PCYT1A: variants seen among roughly 807,000 people sequenced by gnomAD.
The protein encoded by PCYT1A is phosphate cytidylyltransferase 1A, choline, also known as choline-phosphate cytidylyltransferase A.
A neutral mutation model predicts 43.7 loss-of-function variants in PCYT1A; 25 were observed. The ratio of observed to expected loss-of-function variants is 0.57; its 90% CI spans 0.42 to 0.80. The LOEUF is 0.80. Among genes scored for constraint, PCYT1A ranks in the 30% least tolerant of loss-of-function variants. The probability of loss-of-function intolerance (pLI) is 0.00; values close to 1 mark genes in which losing one functional copy is unlikely to be tolerated. For missense variants in PCYT1A, 421 were observed against 474.2 expected (o/e 0.89, Z 1.04); for synonymous variants, 172 against 170.7 (o/e 1.01, Z -0.06).
intron 1 of PCYT1A, among the ~76,000 whole-genome samples, chr3:196,272,832 G>A (rs1725474607): frequency 6.6e-6 from 1 of 152,226 alleles, no homozygotes; most frequent in African/African-American, 2.4e-5. Flanking sequence ...TTAAGTCACA[G>A]AATACTTGGG....
chr3:196,242,032 T>G lies in PCYT1A; in HGVS notation c.624A>C (p.Arg208=). The change falls in exon 7 of 9, where the codon CGA becomes CGC. Residue 208 remains arginine, a synonymous_variant. Coordinates refer to ENST00000431016, the MANE Select transcript of PCYT1A (RefSeq NM_001312673.2). This position sits in a 1 kb window ranked among gnomAD's most constrained non-coding sequence, Gnocchi z 4.2. The stretch of plus-strand genomic sequence containing the variant: ...CATACACATCATAATCCCGCACAAT[T>G]CGGGTGATGATGTCTGATGTGGAGA... ...EGISTSDIIT[R]IVRDYDVYAR... is the part of the protein sequence containing the mutation. 1 of 1,614,084 alleles carries G rather than the reference T, an allele frequency of 6.2e-7. No homozygotes were observed. Among genetic ancestry groups the G allele is most frequent in the Non-Finnish European group, 8.5e-7 (1 of 1,179,966 alleles).
At chr3:196,245,544 G>A (rs1724535900) in intron 5 of PCYT1A, among the ~76,000 whole-genome samples, 2 of 152,130 alleles carry the variant, frequency 1.3e-5, no homozygotes, top group African/African-American at 4.8e-5. Flanking sequence ...ACTCCTTCCT[G>A]TATGGGCCAC....
rs1030516898 is a variant in PCYT1A at position 196,277,683 on chromosome 3, C to T, written c.-10-7142G>A. ...GTCAGGAGTTCGCAACCAGCCTGGC[C>T]AACATGGTGAAACCCCATCTCTACT... On this transcript the variant is annotated intron_variant, in intron 1 of 8. Transcript: ENST00000431016. The surrounding 1 kb of genome is among the most constrained non-coding windows in gnomAD (Gnocchi z 4.1). Among the ~76,000 whole-genome samples the T allele has an allele frequency of 6.6e-6, 1 of 152,120 alleles. No individual in the cohort carries two copies. Among genetic ancestry groups the T allele is most frequent in the Non-Finnish European group, 1.5e-5 (1 of 68,038 alleles).
intron 3 of PCYT1A, among the ~76,000 whole-genome samples, chr3:196,255,344 A>C (rs1724922229): frequency 6.6e-6 from 1 of 152,188 alleles, no homozygotes; most frequent in Non-Finnish European, 1.5e-5. Context: ...CTGCAATTCT[A>C]TTCCACTAAT....
intron 5 of PCYT1A, among the ~76,000 whole-genome samples, chr3:196,244,852 C>A (rs986415121): frequency 6.6e-6 from 1 of 151,362 alleles, no homozygotes; most frequent in Non-Finnish European, 1.5e-5. Context: ...GGATTAAGGG[C>A]GGTGCAAGAT....
chr3:196,286,837 C>CA (rs1316004224), intron 1 of PCYT1A, among the ~76,000 whole-genome samples: 1 of 152,220 alleles, frequency 6.6e-6, no homozygotes, highest in African/African-American at 2.4e-5. Flanking sequence ...TCGCTTGAAC[C>CA]AGGGAGGCGG....
intron 1 of PCYT1A, among the ~76,000 whole-genome samples, chr3:196,275,860 C>T (rs929228456): frequency 5.9e-5 from 9 of 151,414 alleles, no homozygotes; most frequent in Non-Finnish European, 4.4e-5. Flanking sequence ...CACTTTGGGA[C>T]GCCAAGGCAG....
At chr3:196,241,836 C>A (rs757359503) in intron 7 of PCYT1A, 112 bp downstream of exon 7, 1 of 1,335,178 alleles carries the variant, frequency 7.5e-7, no homozygotes, top group South Asian at 1.2e-5. Context: ...ATTCACTGAA[C>A]TTTTGGGAGT....
In PCYT1A at chr3:196,237,226, C is replaced by T. The variant is rs1279451529; in HGVS notation, c.*1462G>A. The T allele has an allele frequency of 1.3e-5, 2 of 152,222 alleles. No homozygotes were observed. Among genetic ancestry groups the T allele is most frequent in the Non-Finnish European group, 2.9e-5 (2 of 68,066 alleles). 9.4% of individuals were successfully genotyped at this position (152,222 alleles called of 1,614,324 possible). A position where few individuals can be genotyped will look rare whatever the true frequency, so the allele number is the denominator to read the frequency against. On this transcript the variant is annotated 3_prime_UTR_variant, in exon 9 of 9. Coordinates refer to ENST00000431016, the MANE Select transcript of PCYT1A (RefSeq NM_001312673.2). ...ATAAGCAATTTTCCCCTGGATCTAG[C>T]CACAGGATTACTGATGGGTGATGAT...
In PCYT1A at chr3:196,273,764, A is replaced by C. The variant is rs573645334; in HGVS notation, c.-10-3223T>G. Reference sequence around the variant, plus strand: ...TGCTGATTGGTCCATGGGCAGCCACAGGCAGCCCGGAAAAAGCATCGTAAG... The same window carrying C: ...TGCTGATTGGTCCATGGGCAGCCACCGGCAGCCCGGAAAAAGCATCGTAAG... On this transcript the variant is annotated intron_variant, in intron 1 of 8. Transcript: ENST00000431016. The surrounding 1 kb of genome is among the most constrained non-coding windows in gnomAD (Gnocchi z 4.1). Among the ~76,000 whole-genome samples, 1 of 152,348 alleles carries C rather than the reference A, an allele frequency of 6.6e-6. No homozygotes were observed. Among genetic ancestry groups the C allele is most frequent in the Admixed American group, 6.5e-5 (1 of 15,306 alleles).
Position 196,242,291 on chromosome 3 carries a change from G to A in PCYT1A, c.566-201C>T, listed in dbSNP as rs745597776. The A allele has an allele frequency of 2.9e-5, 19 of 647,994 alleles. No homozygotes were observed. The highest frequency in any genetic ancestry group is 4.9e-5 in the Non-Finnish European group (18 of 365,606). The allele number at this position is 647,994 out of a possible 1,614,324, so 40.1% of individuals were successfully genotyped here. ...AGGTAAGGCAAAGAAGAGTTACATA[G>A]CCCTAATATTAAGAAAAATATGAGA... On this transcript the variant is annotated intron_variant, in intron 6 of 8. Transcript: ENST00000431016. This position sits in a 1 kb window ranked among gnomAD's most constrained non-coding sequence, Gnocchi z 4.2.
At chr3:196,280,664 T>C (rs1196326017) in intron 1 of PCYT1A, among the ~76,000 whole-genome samples, 1 of 151,218 alleles carries the variant, frequency 6.6e-6, no homozygotes, top group Non-Finnish European at 1.5e-5. Context: ...GACTCTACTT[T>C]GTTTTCTCCC....
chr3:196,267,880 T>C (rs1026914635), intron 2 of PCYT1A, among the ~76,000 whole-genome samples: 7 of 151,936 alleles, frequency 4.6e-5, no homozygotes, highest in Admixed American at 2.6e-4. Flanking sequence ...TGTTATAGAG[T>C]TCAAAGGAGA....
chr3:196,265,930 G>C (rs1280811716), intron 2 of PCYT1A, among the ~76,000 whole-genome samples: 1 of 151,316 alleles, frequency 6.6e-6, no homozygotes, highest in Admixed American at 6.6e-5. Context: ...GTAGAGACGA[G>C]GTTTCGTCAT....
At chr3:196,250,104 A>G (rs1222476313) in intron 3 of PCYT1A, among the ~76,000 whole-genome samples, 1 of 148,566 alleles carries the variant, frequency 6.7e-6, no homozygotes, top group African/African-American at 2.5e-5. Flanking sequence ...GCTGAGGACC[A>G]GGTACACCAT....
intron 5 of PCYT1A, among the ~76,000 whole-genome samples, chr3:196,246,246 C>T (rs149963927): frequency 0.011 from 1,697 of 152,332 alleles, 16 homozygotes; most frequent in Non-Finnish European, 0.019. Context: ...TGCCTTCATT[C>T]TTTCTGCCTC....
At chr3:196,239,230 C>CT (rs1017591207) in intron 8 of PCYT1A, among the ~76,000 whole-genome samples, 2 of 152,184 alleles carry the variant, frequency 1.3e-5, no homozygotes, top group African/African-American at 4.8e-5. Context: ...AGGCTGCTTT[C>CT]TTTTTATTGT....
intron 3 of PCYT1A, among the ~76,000 whole-genome samples, chr3:196,257,250 A>G (rs189911978): frequency 4.3e-4 from 66 of 152,370 alleles, no homozygotes; most frequent in African/African-American, 1.4e-3. Context: ...AATTATGTAA[A>G]TTAAGCATGC....
chr3:196,253,724 C>T (rs977459866), intron 3 of PCYT1A, among the ~76,000 whole-genome samples: 4 of 152,120 alleles, frequency 2.6e-5, no homozygotes, highest in Non-Finnish European at 5.9e-5. Context: ...GCCACCATTC[C>T]ATCCCAAGTC....
Sources: gnomAD v4.1 joint callset for allele counts (sites outside exome capture counted in the v4.1 genomes callset) on GRCh38, gnomAD v4.1.1 for gene constraint, Gnocchi (gnomAD v3.1) non-coding constraint, MANE v1.5 for transcripts, NCBI Gene and HGNC (gene_info 2026-07-23, HGNC 2026-07-21) for gene names.